The following KIF6 variants were observed in gnomAD, a reference collection of about 807,000 sequenced individuals.
The protein encoded by KIF6 is kinesin-like protein KIF6.
A neutral mutation model predicts 112.7 loss-of-function variants in KIF6; 106 were observed. The ratio of observed to expected loss-of-function variants is 0.94; its 90% confidence interval spans 0.80 to 1.11. The LOEUF (loss-of-function observed/expected upper bound fraction) is 1.11, where lower values mean the gene tolerates loss of function less well. KIF6 is among the 50% of genes least tolerant of loss of function. The pLI is 0.00. For synonymous variants in KIF6, 339 were observed against 339.9 expected (o/e 1.00, Z 0.03); for missense variants, 929 against 964.0 (o/e 0.96, Z 0.48).
chr6:39,412,593 C>T (rs775565279), intron 15 of KIF6, among the ~76,000 whole-genome samples: 13 of 152,158 alleles, frequency 8.5e-5, no homozygotes, highest in Non-Finnish European at 1.6e-4. Context: ...GGTTCTCTTA[C>T]AACCATGTTT....
chr6:39,346,092 C>CCA (rs1763737354), intron 20 of KIF6, among the ~76,000 whole-genome samples: 1 of 48,104 alleles, frequency 2.1e-5, no homozygotes, highest in Non-Finnish European at 3.8e-5. Flanking sequence ...CTCTCCCCCC[C>CCA]CTCTCCCTCC....
Position 39,677,893 on chromosome 6 carries a change from TGG to T in KIF6, c.251+36797_251+36798del, listed in dbSNP as rs1787261269. The stretch of plus-strand genomic sequence containing the variant: ...TTTTTTATGGCTGCATAGTATTCCA[TGG>T]TGTATATGTGCCACATTTTCTTAAT... On this transcript the variant is annotated intron_variant, in intron 3 of 22. Transcript: ENST00000287152. Among the ~76,000 whole-genome samples, 3 of 139,710 alleles carry T rather than the reference TGG, an allele frequency of 2.1e-5. No homozygotes were observed. The South Asian group carries it at 7.1e-4, about 33-fold the overall frequency. The allele number at this position is 139,710 out of a possible 152,430, so 91.7% of individuals were successfully genotyped here.
chr6:39,590,010 G>T (rs528379799), intron 7 of KIF6, among the ~76,000 whole-genome samples: 11 of 152,150 alleles, frequency 7.2e-5, no homozygotes, highest in Non-Finnish European at 1.0e-4. Context: ...TCCTAGGAAG[G>T]CAGTATGAAG....
intron 13 of KIF6, among the ~76,000 whole-genome samples, chr6:39,434,306 G>A (rs1167690977): frequency 2.6e-5 from 4 of 151,960 alleles, no homozygotes; most frequent in East Asian, 1.9e-4. Context: ...GCTCACGACT[G>A]TAATCCTAGC....
rs1772156960 is a variant in KIF6 at position 39,444,164 on chromosome 6, A to G, written c.1646-13003T>C. On this transcript the variant is annotated intron_variant, in intron 13 of 22. Transcript: ENST00000287152. ...TTAAGGTTGAAAGAGGTTAAAAGTG[A>G]CTCCAAGTCAACAGTTAGTAAGTGG... Among the ~76,000 whole-genome samples the G allele has an allele frequency of 2.0e-5, 3 of 151,998 alleles. No homozygotes were observed. In the South Asian group the frequency reaches 6.2e-4, roughly 32 times the overall value.
At chr6:39,487,931 T>C (rs1450677055) in intron 13 of KIF6, among the ~76,000 whole-genome samples, 11 of 152,214 alleles carry the variant, frequency 7.2e-5, no homozygotes, top group Admixed American at 1.3e-4. Context: ...ACATTGGCCA[T>C]TTGGCATTTG....
At position 39,343,583 on chromosome 6, in the gene KIF6, C is replaced by T. The variant is rs2113898622; in HGVS notation, c.2428+126G>A. Reference sequence around the variant, plus strand: ...AGGCTGGGCACATGTGACTGACAGGCAGGCCAGTCCTGTGGCTTCAGGAAT... The same window carrying T: ...AGGCTGGGCACATGTGACTGACAGGTAGGCCAGTCCTGTGGCTTCAGGAAT... On this transcript the variant is annotated intron_variant, in intron 22 of 22. Transcript: ENST00000287152. This position sits in a 1 kb window ranked among gnomAD's most constrained non-coding sequence, Gnocchi z 4.1. The T allele has an allele frequency of 8.7e-7, 1 of 1,153,898 alleles. No individual in the cohort carries two copies. Among genetic ancestry groups the T allele is most frequent in the Non-Finnish European group, 1.2e-6 (1 of 821,798 alleles). The allele number at this position is 1,153,898 out of a possible 1,614,324, so 71.5% of individuals were successfully genotyped here.
chr6:39,623,637 A>G (rs190288885), intron 5 of KIF6, among the ~76,000 whole-genome samples: 136 of 152,298 alleles, frequency 8.9e-4, no homozygotes, highest in African/African-American at 3.1e-3. Context: ...AGTTGGTCTG[A>G]ATACCATCAG....
intron 3 of KIF6, among the ~76,000 whole-genome samples, chr6:39,656,946 T>G (rs947743522): frequency 6.6e-6 from 1 of 152,134 alleles, no homozygotes; most frequent in African/African-American, 2.4e-5. Context: ...GATTGTGTTC[T>G]TTGGCCGGGC....
intron 6 of KIF6, among the ~76,000 whole-genome samples, chr6:39,606,225 A>G (rs527303387): frequency 2.1e-5 from 3 of 142,286 alleles, no homozygotes; most frequent in East Asian, 2.0e-4. Flanking sequence ...TTTCTCTTTC[A>G]TTTATTTTCT....
At chr6:39,560,501 T>C (rs904089637) in intron 10 of KIF6, among the ~76,000 whole-genome samples, 1 of 152,220 alleles carries the variant, frequency 6.6e-6, no homozygotes. Context: ...TTGCTCATAT[T>C]GATTCCTCTA....
intron 3 of KIF6, among the ~76,000 whole-genome samples, chr6:39,668,774 T>C (rs1358879769): frequency 1.3e-5 from 2 of 152,084 alleles, no homozygotes; most frequent in Admixed American, 6.6e-5. Flanking sequence ...CAGACCCTCC[T>C]CCATTATAAT....
chr6:39,715,801 T>C (rs1164250635), intron 2 of KIF6, among the ~76,000 whole-genome samples: 3 of 152,094 alleles, frequency 2.0e-5, no homozygotes, highest in Non-Finnish European at 2.9e-5. Flanking sequence ...GCAGGGAAGA[T>C]TGTATTTTAG....
chr6:39,363,699 G>T (rs1277627131), intron 16 of KIF6, among the ~76,000 whole-genome samples: 2 of 152,160 alleles, frequency 1.3e-5, no homozygotes, highest in African/African-American at 4.8e-5. Flanking sequence ...TTCCAGACAT[G>T]CTCAGACTGA....
At chr6:39,580,779 A>C (rs1430679045) in intron 9 of KIF6, among the ~76,000 whole-genome samples, 1 of 152,210 alleles carries the variant, frequency 6.6e-6, no homozygotes, top group Non-Finnish European at 1.5e-5. Flanking sequence ...ACATCCATGT[A>C]CCCTGTACTT....
chr6:39,510,917 T>C (rs1176574151), intron 13 of KIF6, among the ~76,000 whole-genome samples: 3 of 139,986 alleles, frequency 2.1e-5, no homozygotes, highest in African/African-American at 8.0e-5. Context: ...GCAATCCTGG[T>C]CTCTGGTAAA....
chr6:39,628,487 G>A (rs944236066), intron 5 of KIF6, among the ~76,000 whole-genome samples: 5 of 152,010 alleles, frequency 3.3e-5, no homozygotes, highest in Non-Finnish European at 5.9e-5. Context: ...TCATCACAAG[G>A]ATCCTTTGTG....
chr6:39,712,534 G>A (rs138211863), intron 3 of KIF6, among the ~76,000 whole-genome samples: 80 of 152,168 alleles, frequency 5.3e-4, no homozygotes, highest in Non-Finnish European at 8.4e-4. Flanking sequence ...TTTAGTGGAG[G>A]CAAATAGACA....
rs1323468203 is a variant in KIF6, at chr6:39,648,058, C to G, written c.252-8301G>C. Among the ~76,000 whole-genome samples, 4 of 146,842 alleles carry G rather than the reference C, an allele frequency of 2.7e-5. No homozygotes were observed. The East Asian group carries it at 8.1e-4, about 30-fold the overall frequency. On this transcript the variant is annotated intron_variant, in intron 3 of 22. Coordinates refer to ENST00000287152, the MANE Select transcript of KIF6 (RefSeq NM_145027.6). ...TTTTTTTTTGAGACAGAGTCTTACTCTGTCCACCAGGCTGGAGTGCAGTGG... is the reference window on the plus strand; with the variant it reads ...TTTTTTTTTGAGACAGAGTCTTACTGTGTCCACCAGGCTGGAGTGCAGTGG...
Sources: gnomAD v4.1 joint callset for allele counts (sites outside exome capture counted in the v4.1 genomes callset) on GRCh38, gnomAD v4.1.1 for gene constraint, Gnocchi (gnomAD v3.1) non-coding constraint, MANE v1.5 for transcripts, NCBI Gene and HGNC (gene_info 2026-07-23, HGNC 2026-07-21) for gene names.